CHD9: variants seen among roughly 807,000 people sequenced by gnomAD.
CHD9 encodes chromodomain helicase DNA binding protein 9, also known as ATP-dependent chromatin remodeler CHD9.
In CHD9, 77 loss-of-function variants were observed where a neutral mutation model predicts 316.1. The ratio of observed to expected loss-of-function variants is 0.24; its 90% CI spans 0.20 to 0.29. The LOEUF (loss-of-function observed/expected upper bound fraction) is 0.29, where lower values mean the gene tolerates loss of function less well. CHD9 is among the 10% of genes least tolerant of loss of function. The pLI, the probability that CHD9 is intolerant of heterozygous loss-of-function variation, is 1.00. For missense variants in CHD9, 2,763 were observed against 3,438.1 expected, an observed-to-expected ratio of 0.80 and a Z score of 4.91; for synonymous variants, 1,129 against 1,158.3, an observed-to-expected ratio of 0.97 and a Z score of 0.51.
chr16:53,246,184 C>T (rs1193563185), intron 15 of CHD9, among the ~76,000 whole-genome samples: 2 of 152,196 alleles, frequency 1.3e-5, no homozygotes, highest in Admixed American at 6.5e-5. Flanking sequence ...AGTCAAGATA[C>T]ATCAGTTAGT....
intron 1 of CHD9, among the ~76,000 whole-genome samples, chr16:53,146,419 G>GTGTGTATATATATATA (rs1555492145): frequency 5.2e-5 from 4 of 76,712 alleles, no homozygotes; most frequent in African/African-American, 2.4e-4. Flanking sequence ...GTGTGTGTAT[G>GTGTGTATATATATATA]TATATATATA....
chr16:53,204,741 C>T (rs1195103298), intron 2 of CHD9, among the ~76,000 whole-genome samples: 1 of 152,068 alleles, frequency 6.6e-6, no homozygotes, highest in Non-Finnish European at 1.5e-5. Flanking sequence ...AATAACATAT[C>T]ACATATGATA....
intron 34 of CHD9, chr16:53,311,676 CAA>C (rs1223625085): frequency 6.6e-6 from 1 of 152,132 alleles, no homozygotes; most frequent in Non-Finnish European, 1.5e-5. Flanking sequence ...TAGATTATAA[CAA>C]GAGGACAAAA....
At chr16:53,313,111 A>G (rs1028060810) in intron 34 of CHD9, among the ~76,000 whole-genome samples, 3 of 152,114 alleles carry the variant, frequency 2.0e-5, no homozygotes, top group South Asian at 2.1e-4. Context: ...TACCCCTTAC[A>G]TTTTTGTTGA....
intron 2 of CHD9, among the ~76,000 whole-genome samples, chr16:53,206,261 C>A (rs2045888283): frequency 6.6e-6 from 1 of 151,936 alleles, no homozygotes; most frequent in South Asian, 2.1e-4. Context: ...CCTTCTTTTA[C>A]CTTTTCTTGG....
At chr16:53,230,369 C>T (rs906511981) in intron 8 of CHD9, among the ~76,000 whole-genome samples, 2 of 152,056 alleles carry the variant, frequency 1.3e-5, no homozygotes, top group African/African-American at 4.8e-5. Flanking sequence ...CCGGAAATCC[C>T]AACACTTTGG....
intron 1 of CHD9, among the ~76,000 whole-genome samples, chr16:53,091,635 C>T (rs564245937): frequency 6.6e-6 from 1 of 152,340 alleles, no homozygotes; most frequent in South Asian, 2.1e-4. Context: ...GACTCTGTCT[C>T]ATTTGTCTTA....
At chr16:53,183,223 C>A (rs117764566) in intron 2 of CHD9, among the ~76,000 whole-genome samples, 2,216 of 152,244 alleles carry the variant, frequency 0.015, 28 homozygotes, top group Non-Finnish European at 0.023. Context: ...TAACAAATGT[C>A]GTATTTGTTT....
chr16:53,135,187 G>A (rs1390583389), intron 1 of CHD9, among the ~76,000 whole-genome samples: 1 of 152,104 alleles, frequency 6.6e-6, no homozygotes, highest in Admixed American at 6.5e-5. Context: ...GTTCAGGATG[G>A]CAGAAGCATA....
chr16:53,181,009 GA>G, intron 2 of CHD9, among the ~76,000 whole-genome samples: 1 of 149,390 alleles, frequency 6.7e-6, no homozygotes, highest in East Asian at 2.0e-4. Flanking sequence ...TGAGAGACAC[GA>G]TTTTTTTTTT....
chr16:53,105,291 T>G (rs1339604316), intron 1 of CHD9, among the ~76,000 whole-genome samples: 1 of 152,206 alleles, frequency 6.6e-6, no homozygotes, highest in African/African-American at 2.4e-5. Context: ...TTTCAGTTTC[T>G]TATGGGCCTT....
intron 1 of CHD9, among the ~76,000 whole-genome samples, chr16:53,055,532 G>A (rs1007878892): frequency 6.6e-6 from 1 of 151,860 alleles, no homozygotes; most frequent in Non-Finnish European, 1.5e-5. Flanking sequence ...GGTCTGGGTG[G>A]GGGACTGGAC....
Position 53,209,553 on chromosome 16 carries a change from G to T in CHD9, c.1524G>T (p.Met508Ile). 1 of 1,613,836 alleles carries T rather than the reference G, an allele frequency of 6.2e-7. No individual in the cohort carries two copies. The highest frequency in any genetic ancestry group is 8.5e-7 in the Non-Finnish European group (1 of 1,179,784). Reference protein sequence around the residue: ...TKLQNTQVRVMSEKKQRKKVE... With the variant: ...TKLQNTQVRVISEKKQRKKVE... ...TGCAGAATACCCAGGTGAGGGTCAT[G>T]TCTGAGAAGAAGCAGAGAAAAAAGG... The change falls in exon 3 of 39, where the codon ATG (methionine) becomes ATT (isoleucine). Residue 508 changes from methionine (M) to isoleucine (I), a missense_variant. Physicochemically the swap from Met to Ile is conservative, Grantham distance 10. Coordinates refer to ENST00000447540, the MANE Select transcript of CHD9 (RefSeq NM_001308319.2).
intron 1 of CHD9, among the ~76,000 whole-genome samples, chr16:53,066,716 G>A (rs967580447): frequency 2.0e-5 from 3 of 152,106 alleles, no homozygotes; most frequent in Admixed American, 6.5e-5. Flanking sequence ...TGCTGTGTCC[G>A]CTCCTTCTCT....
chr16:53,075,487 T>G (rs567879552), intron 1 of CHD9, among the ~76,000 whole-genome samples: 1 of 152,264 alleles, frequency 6.6e-6, no homozygotes, highest in South Asian at 2.1e-4. Context: ...TGAATTGTAC[T>G]CCCATAAATC....
intron 1 of CHD9, among the ~76,000 whole-genome samples, chr16:53,141,792 G>GT (rs1460355264): frequency 6.6e-6 from 1 of 152,166 alleles, no homozygotes; most frequent in African/African-American, 2.4e-5. Flanking sequence ...AACTTGAAGT[G>GT]TTTGAGTGTG....
intron 1 of CHD9, among the ~76,000 whole-genome samples, chr16:53,072,806 T>A (rs947961165): frequency 6.6e-6 from 1 of 152,158 alleles, no homozygotes; most frequent in African/African-American, 2.4e-5. Flanking sequence ...GCAATTCTCC[T>A]GCCTCAGCCT....
chr16:53,289,170 T>C (rs1440247828), intron 27 of CHD9, among the ~76,000 whole-genome samples: 1 of 152,024 alleles, frequency 6.6e-6, no homozygotes, highest in African/African-American at 2.4e-5. Context: ...TTGTAAATGA[T>C]TAAAGACATT....
chr16:53,184,579 A>G (rs142865085), intron 2 of CHD9, among the ~76,000 whole-genome samples: 1,836 of 152,274 alleles, frequency 0.012, 23 homozygotes, highest in Non-Finnish European at 0.02. Context: ...TCCTGGGCTC[A>G]AGTGATCCTC....
Sources: gnomAD v4.1 joint callset for allele counts (sites outside exome capture counted in the v4.1 genomes callset) on GRCh38, gnomAD v4.1.1 for gene constraint, MANE v1.5 for transcripts, NCBI Gene and HGNC (gene_info 2026-07-23, HGNC 2026-07-21) for gene names.